OSTF1: variants seen among roughly 807,000 people sequenced by gnomAD.
The protein encoded by OSTF1 is osteoclast stimulating factor 1.
Under a neutral mutation model 37.2 loss-of-function variants are expected in OSTF1, and 27 were observed. That is an observed-to-expected ratio of 0.73 (90% CI 0.54 to 1.00). The LOEUF (loss-of-function observed/expected upper bound fraction) is 1.00, where lower values mean the gene tolerates loss of function less well. OSTF1 is among the 50% of genes least tolerant of loss of function. OSTF1 has a pLI of 0.00. For synonymous variants in OSTF1, 82 were observed against 89.2 expected, an observed-to-expected ratio of 0.92 and a Z score of 0.46; for missense variants, 232 against 253.8, an observed-to-expected ratio of 0.91 and a Z score of 0.58.
At chr9:75,112,438 T>G (rs982080009) in intron 1 of OSTF1, among the ~76,000 whole-genome samples, 4 of 151,918 alleles carry the variant, frequency 2.6e-5, no homozygotes, top group Admixed American at 6.6e-5. Flanking sequence ...TGGAATAAAT[T>G]AATCCCAGAA....
chr9:75,143,821 C>T (rs1456291746), intron 9 of OSTF1, among the ~76,000 whole-genome samples: 1 of 152,130 alleles, frequency 6.6e-6, no homozygotes, highest in Non-Finnish European at 1.5e-5. Flanking sequence ...GAGATACAGG[C>T]TCATCACACA....
At chr9:75,121,864 G>C (rs1825585751) in intron 2 of OSTF1, among the ~76,000 whole-genome samples, 1 of 152,140 alleles carries the variant, frequency 6.6e-6, no homozygotes, top group Non-Finnish European at 1.5e-5. Context: ...GACATTGCTG[G>C]CATGTGCAGC....
chr9:75,114,638 C>T (rs1053041843), intron 1 of OSTF1, among the ~76,000 whole-genome samples: 1 of 151,924 alleles, frequency 6.6e-6, no homozygotes, highest in African/African-American at 2.4e-5. Context: ...CTGCAACCTC[C>T]ACCTCCTGGG....
intron 2 of OSTF1, among the ~76,000 whole-genome samples, chr9:75,118,745 C>A (rs1825533069): frequency 6.6e-6 from 1 of 152,084 alleles, no homozygotes. Context: ...AAAGGGGAAA[C>A]CCCTTATAAA....
intron 1 of OSTF1, among the ~76,000 whole-genome samples, chr9:75,113,700 A>T (rs759144171): frequency 6.6e-6 from 1 of 152,134 alleles, no homozygotes; most frequent in Non-Finnish European, 1.5e-5. Context: ...TAAAAATTGT[A>T]TACATTATGG....
intron 2 of OSTF1, among the ~76,000 whole-genome samples, chr9:75,120,694 G>A (rs1163757664): frequency 6.6e-6 from 1 of 152,128 alleles, no homozygotes. Context: ...GAGCTAGATT[G>A]GCATTCCTCA....
rs544526637 is a variant in OSTF1 at position 75,123,849 on chromosome 9, G to T, written c.82-3720G>T. Among the ~76,000 whole-genome samples the T allele has an allele frequency of 2.0e-4, 31 of 152,292 alleles. No individual in the cohort carries two copies. The East Asian group carries it at 6.0e-3, about 29-fold the overall frequency. On this transcript the variant is annotated intron_variant, in intron 2 of 9. Coordinates refer to ENST00000346234, the MANE Select transcript of OSTF1 (RefSeq NM_012383.5). ...GGTCACTTTTTGCCTGACTGAAATGGACTGCCTGTTCTCATTGCCTCAGTT... is the reference window on the plus strand; with the variant it reads ...GGTCACTTTTTGCCTGACTGAAATGTACTGCCTGTTCTCATTGCCTCAGTT...
chr9:75,113,405 A>T (rs1052709960), intron 1 of OSTF1, among the ~76,000 whole-genome samples: 2 of 147,776 alleles, frequency 1.4e-5, no homozygotes, highest in South Asian at 4.3e-4. Context: ...ATTATATTCT[A>T]TGTCAGTGTC....
At position 75,146,669 on chromosome 9, in the gene OSTF1, CCT is replaced by C; in HGVS notation, c.587-11_587-10del. 1 of 1,599,178 alleles carries C rather than the reference CCT, an allele frequency of 6.3e-7. No homozygotes were observed. ...ATTTCCCTATTTTGCTTTTTTCCCT[CCT>C]CTTTCTTTCAGATGCAGTTCGAACA... On this transcript the variant is annotated splice_polypyrimidine_tract_variant and intron_variant, in intron 9 of 9. Coordinates refer to ENST00000346234, the MANE Select transcript of OSTF1 (RefSeq NM_012383.5).
chr9:75,122,164 A>G (rs963938660), intron 2 of OSTF1, among the ~76,000 whole-genome samples: 1 of 152,124 alleles, frequency 6.6e-6, no homozygotes, highest in African/African-American at 2.4e-5. Context: ...ATGAGGAGGG[A>G]ACAGAATTTC....
chr9:75,096,374 G>T (rs7023958), intron 1 of OSTF1, among the ~76,000 whole-genome samples: 117,191 of 152,162 alleles, frequency 0.77, 45,522 homozygotes, highest in African/African-American at 0.87. Flanking sequence ...CCTTATAATT[G>T]GATAAGCTAT....
intron 1 of OSTF1, among the ~76,000 whole-genome samples, chr9:75,110,292 A>C (rs1825364031): frequency 6.6e-6 from 1 of 151,936 alleles, no homozygotes; most frequent in South Asian, 2.1e-4. Context: ...TGATCTTTTT[A>C]CTGTTTCCAT....
rs1825681886 is a variant in OSTF1 at position 75,127,611 on chromosome 9, A to G, written c.124A>G (p.Thr42Ala). The G allele has an allele frequency of 3.2e-6, 5 of 1,570,346 alleles. No homozygotes were observed. Among genetic ancestry groups the G allele is most frequent in the Non-Finnish European group, 4.4e-6 (5 of 1,149,268 alleles). Reference sequence around the variant, plus strand: ...TGAGGAAGGTGATATTATCTACATTACTGACATGGTAAGTCCAGATAACAT... The same window carrying G: ...TGAGGAAGGTGATATTATCTACATTGCTGACATGGTAAGTCCAGATAACAT... ...YFEEGDIIYI[T>A]DMSDTNWWKG... Residue 42 changes from threonine (T) to alanine (A), a missense_variant, in exon 3 of 10, where the codon ACT becomes GCT. Thr to Ala is a moderately conservative substitution (Grantham distance 58, BLOSUM62 0). Coordinates refer to ENST00000346234, the MANE Select transcript of OSTF1 (RefSeq NM_012383.5).
At chr9:75,089,602 A>G (rs1006087729) in intron 1 of OSTF1, among the ~76,000 whole-genome samples, 3 of 152,206 alleles carry the variant, frequency 2.0e-5, no homozygotes, top group Admixed American at 1.3e-4. Context: ...GACGTATTTC[A>G]ATACTTTAAC....
chr9:75,143,762 G>A (rs763413183), intron 9 of OSTF1, among the ~76,000 whole-genome samples: 1 of 152,236 alleles, frequency 6.6e-6, no homozygotes, highest in African/African-American at 2.4e-5. Context: ...TGGCAGTGCT[G>A]CAGGAAGATA....
At chr9:75,095,353 G>C (rs1484261099) in intron 1 of OSTF1, among the ~76,000 whole-genome samples, 1 of 152,184 alleles carries the variant, frequency 6.6e-6, no homozygotes, top group Non-Finnish European at 1.5e-5. Context: ...GTATGAGCAT[G>C]TCTTAAACAG....
chr9:75,118,140 C>T (rs1825521698), intron 2 of OSTF1, among the ~76,000 whole-genome samples: 1 of 152,130 alleles, frequency 6.6e-6, no homozygotes, highest in East Asian at 1.9e-4. Flanking sequence ...ATGAATGTGA[C>T]TGTCAGGGGC....
intron 9 of OSTF1, among the ~76,000 whole-genome samples, chr9:75,146,241 G>A (rs1826022304): frequency 6.6e-6 from 1 of 152,212 alleles, no homozygotes; most frequent in South Asian, 2.1e-4. Flanking sequence ...ACATTGAAAT[G>A]GAAGCTTCTT....
intron 4 of OSTF1, 51 bp downstream of exon 4, chr9:75,130,692 TG>T (rs1278936066): frequency 3.5e-6 from 4 of 1,150,936 alleles, no homozygotes; most frequent in Non-Finnish European, 5.3e-6. Context: ...TGGAATTTTT[TG>T]GTTCTTGATG....
Sources: allele counts gnomAD v4.1 joint callset (sites outside exome capture counted in the v4.1 genomes callset), GRCh38; gene constraint gnomAD v4.1.1; transcripts MANE v1.5; gene names NCBI Gene and HGNC (gene_info 2026-07-23, HGNC 2026-07-21).